Variants in TRIP10 observed in about 807,000 individuals in gnomAD.
The protein encoded by TRIP10 is thyroid hormone receptor interactor 10, also known as cdc42-interacting protein 4.
TRIP10 carries 54 observed loss-of-function variants against 80.9 expected under a neutral mutation model. The observed-to-expected ratio is 0.67, with a 90% CI of 0.54 to 0.84. The LOEUF (loss-of-function observed/expected upper bound fraction) is 0.84. Among genes scored for constraint, TRIP10 ranks in the 40% least tolerant of loss-of-function variants. The probability of loss-of-function intolerance (pLI) is 0.00; values close to 1 mark genes in which losing one functional copy is unlikely to be tolerated. For missense variants in TRIP10, 773 were observed against 815.3 expected (o/e 0.95, Z 0.63); for synonymous variants, 321 against 307.2 (o/e 1.04, Z -0.47).
Position 6,746,566 on chromosome 19 carries a change from G to A in TRIP10, c.1262+5G>A. 1 of 1,612,762 alleles carries A rather than the reference G, an allele frequency of 6.2e-7. No homozygotes were observed. Among genetic ancestry groups the A allele is most frequent in the Non-Finnish European group, 8.5e-7 (1 of 1,178,782 alleles). On this transcript the variant is annotated splice_donor_5th_base_variant and intron_variant, in intron 11 of 14. Coordinates refer to ENST00000313244, the MANE Select transcript of TRIP10 (RefSeq NM_001288962.2). The surrounding 1 kb of genome is among the most constrained non-coding windows in gnomAD (Gnocchi z 6.2). ...TCAGAAGGAGGTTGACCAGAGGTAAGGTGGTGGGGTAGGGAAGGACAGGCA... is the reference window on the plus strand; with the variant it reads ...TCAGAAGGAGGTTGACCAGAGGTAAAGTGGTGGGGTAGGGAAGGACAGGCA...
Position 6,743,290 on chromosome 19 carries a change from G to A in TRIP10, c.408+34G>A, listed in dbSNP as rs756281252. 53 of 1,610,430 alleles carry A rather than the reference G, an allele frequency of 3.3e-5. No individual in the cohort carries two copies. In the Admixed American group the frequency reaches 3.4e-4, roughly 10 times the overall value. On this transcript the variant is annotated intron_variant, in intron 5 of 14. Coordinates refer to ENST00000313244, the MANE Select transcript of TRIP10 (RefSeq NM_001288962.2). ...GCAGAGGTAGCAGTGACTGTGGCCC[G>A]GAGGCATGGGGGCAGGGTTGCGGAT...
At chr19:6,742,844 A>G (rs1350796303) in intron 3 of TRIP10, 123 bp from the exon 4 acceptor site, 1 of 1,359,120 alleles carries the variant, frequency 7.4e-7, no homozygotes, top group Admixed American at 2.3e-5. Context: ...AGAATTTGTC[A>G]TCGCTTCAGG....
Position 6,744,783 on chromosome 19 carries a change from C to G in TRIP10, c.790-17C>G. 2 of 1,607,264 alleles carry G rather than the reference C, an allele frequency of 1.2e-6. No homozygotes were observed. Among genetic ancestry groups the G allele is most frequent in the Non-Finnish European group, 1.7e-6 (2 of 1,176,110 alleles). On this transcript the variant is annotated splice_polypyrimidine_tract_variant and intron_variant, in intron 8 of 14. Transcript: ENST00000313244. The surrounding 1 kb of genome is among the most constrained non-coding windows in gnomAD (Gnocchi z 4.9). ...GGCTAGGCACTCGACTGCTCATCCA[C>G]TGTCCCCCTCCCCCAGGACTCCCAC...
chr19:6,743,579 C>T lies in TRIP10; in HGVS notation c.494C>T (p.Thr165Ile), dbSNP rs767925174. ...CGGCTAGACCAGGATATCAACGCCACCAAGGCTGATGTGGAGAAGGTGTGT... is the reference window on the plus strand; with the variant it reads ...CGGCTAGACCAGGATATCAACGCCATCAAGGCTGATGTGGAGAAGGTGTGT... Reference protein sequence around the residue: ...AERLDQDINATKADVEKAKQQ... With the variant: ...AERLDQDINAIKADVEKAKQQ... Residue 165 changes from threonine to isoleucine, a missense_variant, in exon 6 of 15, where the codon ACC becomes ATC. Physicochemically the swap from Thr to Ile is moderately conservative, Grantham distance 89. Transcript: ENST00000313244. 31 of 1,599,022 alleles carry T rather than the reference C, an allele frequency of 1.9e-5. No individual in the cohort carries two copies. Among genetic ancestry groups the T allele is most frequent in the Admixed American group, 1.2e-4 (7 of 57,236 alleles).
Position 6,745,215 on chromosome 19 carries a change from C to G in TRIP10, c.984+221C>G, listed in dbSNP as rs1219312745. 1 of 597,602 alleles carries G rather than the reference C, an allele frequency of 1.7e-6. No homozygotes were observed. Among genetic ancestry groups the G allele is most frequent in the Non-Finnish European group, 2.8e-6 (1 of 357,566 alleles). 37.0% of individuals were successfully genotyped at this position (597,602 alleles called of 1,614,324 possible). A position where few individuals can be genotyped will look rare whatever the true frequency, so the allele number is the denominator to read the frequency against. ...GGTGGGGAGGTGGGGAGGTCCGTGG[C>G]GTTTGTCTGCTGCTTCTCGGGATGC... On this transcript the variant is annotated intron_variant, in intron 9 of 14. Coordinates refer to ENST00000313244, the MANE Select transcript of TRIP10 (RefSeq NM_001288962.2). The surrounding 1 kb of genome is among the most constrained non-coding windows in gnomAD (Gnocchi z 7.2).
In TRIP10 at chr19:6,751,193, C is replaced by A. The variant is rs1599572064; in HGVS notation, c.1788C>A (p.Leu596=). ...GGEGYVPTSY[L]RVTLN is the part of the protein sequence containing the mutation. ...AGGGCTACGTGCCCACCTCCTACCT[C>A]CGAGTCACGCTCAATTGAACCCTGC... Residue 596 remains leucine (L), a synonymous_variant, in exon 15 of 15, where the codon CTC becomes CTA. Coordinates refer to ENST00000313244, the MANE Select transcript of TRIP10 (RefSeq NM_001288962.2). 1 of 1,613,962 alleles carries A rather than the reference C, an allele frequency of 6.2e-7. No individual in the cohort carries two copies. The highest frequency in any genetic ancestry group is 1.6e-4 in the Middle Eastern group (1 of 6,062).
At position 6,743,730 on chromosome 19, in the gene TRIP10, G is replaced by A. The variant is rs144960247; in HGVS notation, c.536G>A (p.Arg179Gln). 48 of 1,613,892 alleles carry A rather than the reference G, an allele frequency of 3.0e-5. No individual in the cohort carries two copies. Among genetic ancestry groups the A allele is most frequent in the Admixed American group, 2.0e-4 (12 of 59,986 alleles). Residue 179 changes from arginine to glutamine, a missense_variant, in exon 7 of 15, where the codon CGG (arginine) becomes CAG (glutamine). Physicochemically the swap from Arg to Gln is conservative, Grantham distance 43. Coordinates refer to ENST00000313244, the MANE Select transcript of TRIP10 (RefSeq NM_001288962.2). Reference protein sequence around the residue: ...VEKAKQQAHLRSHMAEESKNE... With the variant: ...VEKAKQQAHLQSHMAEESKNE... ...CAGGCCAAGCAGCAAGCCCACCTTC[G>A]GAGTCACATGGCCGAAGAAAGCAAA...
chr19:6,743,656 G>A lies in TRIP10; in HGVS notation c.514-52G>A, dbSNP rs200334552. 1.1e-3 allele frequency: 1,742 copies of A among 1,611,674 alleles called. 10 individuals carry two copies. The highest frequency in any genetic ancestry group is 0.01 in the Middle Eastern group (61 of 6,054). Reference sequence around the variant, plus strand: ...GGTCTGGGACAAGCTTGGGGAGTCCGAGTGGGACGTGATCGGAACCTGGCA... The same window carrying A: ...GGTCTGGGACAAGCTTGGGGAGTCCAAGTGGGACGTGATCGGAACCTGGCA... On this transcript the variant is annotated intron_variant, in intron 6 of 14. Coordinates refer to ENST00000313244, the MANE Select transcript of TRIP10 (RefSeq NM_001288962.2).
Position 6,739,740 on chromosome 19 carries a change from CG to C in TRIP10, c.-20del. On this transcript the variant is annotated 5_prime_UTR_variant, in exon 1 of 15. Transcript: ENST00000313244. ...CGGGGACCGGGTGCGGTGGTGGCTGCGGCGGCGGCGGCGGGAGCAGCATGGA... is the reference window on the plus strand; with the variant it reads ...CGGGGACCGGGTGCGGTGGTGGCTGCGCGGCGGCGGCGGGAGCAGCATGGA... The C allele has an allele frequency of 1.7e-6, 2 of 1,191,938 alleles. No homozygotes were observed. The highest frequency in any genetic ancestry group is 2.2e-6 in the Non-Finnish European group (2 of 929,666). 73.8% of individuals were successfully genotyped at this position (1,191,938 alleles called of 1,614,324 possible). A position where few individuals can be genotyped will look rare whatever the true frequency, so the allele number is the denominator to read the frequency against.
At position 6,744,808 on chromosome 19, in the gene TRIP10, C is replaced by T. The variant is rs528391686; in HGVS notation, c.798C>T (p.His266=). 1.0e-4 allele frequency: 163 copies of T among 1,613,108 alleles called. 1 individual carries two copies. The Middle Eastern group carries it at 2.3e-3, about 23-fold the overall frequency. Residue 266 remains histidine, a synonymous_variant, in exon 9 of 15, where the codon CAC becomes CAT. Transcript: ENST00000313244. This position sits in a 1 kb window ranked among gnomAD's most constrained non-coding sequence, Gnocchi z 4.9. ...CTGTCCCCCTCCCCCAGGACTCCCA[C>T]GTCCTTATAGAGCTGCACAAGTCAG... ...ANAVDPKNDS[H]VLIELHKSGF... is the part of the protein sequence containing the mutation.
At position 6,743,727 on chromosome 19, in the gene TRIP10, T is replaced by G. The variant is rs757596362; in HGVS notation, c.533T>G (p.Leu178Arg). ...DVEKAKQQAH[L>R]RSHMAEESKN... ...CTTCAGGCCAAGCAGCAAGCCCACC[T>G]TCGGAGTCACATGGCCGAAGAAAGC... Residue 178 changes from leucine (L) to arginine (R), a missense_variant, in exon 7 of 15, where the codon CTT becomes CGT. Physicochemically the swap from Leu to Arg is moderately radical, Grantham distance 102. Transcript: ENST00000313244. The G allele has an allele frequency of 9.3e-6, 15 of 1,614,028 alleles. No homozygotes were observed. Among genetic ancestry groups the G allele is most frequent in the African/African-American group, 1.3e-5 (1 of 74,992 alleles).
intron 1 of TRIP10, among the ~76,000 whole-genome samples, chr19:6,740,269 G>A (rs1016159253): frequency 6.6e-6 from 1 of 152,202 alleles, no homozygotes; most frequent in Admixed American, 6.5e-5. Flanking sequence ...GCTCATGGAG[G>A]GGAAGGGGGA....
intron 3 of TRIP10, among the ~76,000 whole-genome samples, chr19:6,742,422 A>G (rs1289204217): frequency 6.6e-6 from 1 of 151,968 alleles, no homozygotes; most frequent in Admixed American, 6.6e-5. Flanking sequence ...TGATTACAAA[A>G]TGATGTCCCC....
Position 6,743,820 on chromosome 19 carries a change from T to C in TRIP10, c.626T>C (p.Met209Thr), listed in dbSNP as rs1188350445. The change falls in exon 7 of 15, where the codon ATG (methionine) becomes ACG (threonine). Residue 209 changes from methionine to threonine, a missense_variant. Coordinates refer to ENST00000313244, the MANE Select transcript of TRIP10 (RefSeq NM_001288962.2). ...CAAGCCCACTTCTATTTTTCACAGA[T>C]GCCCCAGATATTCGATGTGAGTGCT... ...RDQAHFYFSQMPQIFDKLQDM... is the reference protein window; with the variant it reads ...RDQAHFYFSQTPQIFDKLQDM... 6.2e-7 allele frequency: 1 copy of C among 1,613,800 alleles called. No homozygotes were observed. Among genetic ancestry groups the C allele is most frequent in the Admixed American group, 1.7e-5 (1 of 59,980 alleles).
chr19:6,746,059 G>T lies in TRIP10; in HGVS notation c.1015G>T (p.Gly339Cys). 3 of 1,429,350 alleles carry T rather than the reference G, an allele frequency of 2.1e-6. No homozygotes were observed. Among genetic ancestry groups the T allele is most frequent in the Non-Finnish European group, 2.8e-6 (3 of 1,086,656 alleles). The allele number at this position is 1,429,350 out of a possible 1,614,324, so 88.5% of individuals were successfully genotyped here. ...PRPPPLSPLG[G>C]PVPSALPNGP... ...CCCCCCACCCCTCTCCCCCCTGGGG[G>T]GCCCCGTACCCTCGGCATTGCCTAA... is the stretch of plus-strand genomic sequence containing the variant. The change falls in exon 10 of 15, where the codon GGC becomes TGC. Residue 339 changes from glycine to cysteine, a missense_variant. Gly to Cys is a radical substitution (Grantham distance 159). Transcript: ENST00000313244. This position sits in a 1 kb window ranked among gnomAD's most constrained non-coding sequence, Gnocchi z 6.2.
At chr19:6,748,374 A>C (rs1406515238) in intron 11 of TRIP10, 1 of 152,170 alleles carries the variant, frequency 6.6e-6, no homozygotes, top group Non-Finnish European at 1.5e-5. Context: ...GGAGGGGTTA[A>C]GGGTGCATGT....
intron 14 of TRIP10, 171 bp from the exon 15 acceptor site, chr19:6,750,892 A>G: frequency 1.7e-6 from 2 of 1,174,744 alleles, no homozygotes; most frequent in Non-Finnish European, 2.3e-6. Context: ...GCTACTCGGG[A>G]GGCTGAGGCA....
chr19:6,745,224 G>A lies in TRIP10; in HGVS notation c.984+230G>A. 3.4e-6 allele frequency: 2 copies of A among 584,416 alleles called. No homozygotes were observed. Among genetic ancestry groups the A allele is most frequent in the South Asian group, 2.4e-5 (1 of 42,300 alleles). 36.2% of individuals were successfully genotyped at this position (584,416 alleles called of 1,614,324 possible). A position where few individuals can be genotyped will look rare whatever the true frequency, so the allele number is the denominator to read the frequency against. ...GTGGGGAGGTCCGTGGCGTTTGTCT[G>A]CTGCTTCTCGGGATGCTGGGAGAAA... On this transcript the variant is annotated intron_variant, in intron 9 of 14. Transcript: ENST00000313244. This position sits in a 1 kb window ranked among gnomAD's most constrained non-coding sequence, Gnocchi z 7.2.
rs1471103816 is a variant in TRIP10, at chr19:6,746,957, T to C, written c.1262+396T>C. On this transcript the variant is annotated intron_variant, in intron 11 of 14. Coordinates refer to ENST00000313244, the MANE Select transcript of TRIP10 (RefSeq NM_001288962.2). This position sits in a 1 kb window ranked among gnomAD's most constrained non-coding sequence, Gnocchi z 6.2. ...TGCCCGGGTCTGTAAATGAATGACA[T>C]TTAAATGGTACTCAAAGATCTCCCC... Among the ~76,000 whole-genome samples the C allele has an allele frequency of 6.6e-6, 1 of 152,212 alleles. No homozygotes were observed. Among genetic ancestry groups the C allele is most frequent in the Non-Finnish European group, 1.5e-5 (1 of 68,036 alleles).
Sources: gnomAD v4.1 joint callset for allele counts (sites outside exome capture counted in the v4.1 genomes callset) on GRCh38, gnomAD v4.1.1 for gene constraint, Gnocchi (gnomAD v3.1) non-coding constraint, MANE v1.5 for transcripts, NCBI Gene and HGNC (gene_info 2026-07-23, HGNC 2026-07-21) for gene names.